The following SNED1 variants were observed in gnomAD, a reference collection of about 807,000 sequenced individuals.
SNED1 encodes the protein sushi, nidogen and EGF like domains 1, also known as sushi, nidogen and EGF-like domain-containing protein 1.
A neutral mutation model predicts 166.7 loss-of-function variants in SNED1; 81 were observed. The ratio of observed to expected loss-of-function variants is 0.49; its 90% CI spans 0.41 to 0.58. The LOEUF (loss-of-function observed/expected upper bound fraction) is 0.58, where lower values mean the gene tolerates loss of function less well. Among genes scored for constraint, SNED1 ranks in the 20% least tolerant of loss-of-function variants. SNED1 has a pLI of 0.00. For synonymous variants in SNED1, 762 were observed against 822.0 expected, an observed-to-expected ratio of 0.93 and a Z score of 1.25; for missense variants, 1,604 against 2,000.2, an observed-to-expected ratio of 0.80 and a Z score of 3.78.
In SNED1 at chr2:241,051,882, G is replaced by T; in HGVS notation, c.1852+22G>T. 1 of 1,520,880 alleles carries T rather than the reference G, an allele frequency of 6.6e-7. No individual in the cohort carries two copies. Among genetic ancestry groups the T allele is most frequent in the Admixed American group, 2.1e-5 (1 of 48,752 alleles). 94.2% of individuals were successfully genotyped at this position (1,520,880 alleles called of 1,614,324 possible). A position where few individuals can be genotyped will look rare whatever the true frequency, so the allele number is the denominator to read the frequency against. On this transcript the variant is annotated intron_variant, in intron 13 of 31. Coordinates refer to ENST00000310397, the MANE Select transcript of SNED1 (RefSeq NM_001080437.3). This position sits in a 1 kb window ranked among gnomAD's most constrained non-coding sequence, Gnocchi z 4.7. ...ATCGGTGCGGCCCCCAGGGGCAGGG[G>T]GGAGGGCAGGAACGACGGGCCAGCC...
At chr2:241,087,192 C>T (rs2063626212) in intron 29 of SNED1, 200 bp from the exon 30 acceptor site, 5 of 568,036 alleles carry the variant, frequency 8.8e-6, no homozygotes, top group Non-Finnish European at 1.3e-5. Context: ...ATTACTGTAC[C>T]ACAATAAATT....
chr2:241,029,129 C>G (rs929859775), intron 1 of SNED1, among the ~76,000 whole-genome samples: 2 of 152,222 alleles, frequency 1.3e-5, no homozygotes, highest in African/African-American at 4.8e-5. Flanking sequence ...TTCCCAGTAG[C>G]AAATAATGAC....
chr2:241,061,695 G>A (rs568379127), intron 16 of SNED1, among the ~76,000 whole-genome samples: 1 of 152,100 alleles, frequency 6.6e-6, no homozygotes, highest in Admixed American at 6.5e-5. Flanking sequence ...GACCAGCCTG[G>A]CCAACATAGT....
chr2:241,090,125 A>G (rs1398215103), intron 31 of SNED1: 6 of 1,485,408 alleles, frequency 4.0e-6, no homozygotes, highest in Admixed American at 2.4e-5. Context: ...ACTCTTTTTA[A>G]TAACAGCTTA....
chr2:241,034,595 CG>C lies in SNED1; in HGVS notation c.671del (p.Arg224LeufsTer89). ...QAGFNAGDGQ[R>X]YFSIPGSRTA... Reference sequence around the variant, plus strand: ...TGGCTTCAACGCAGGCGATGGGCAGCGTTACTTCAGTATCCCCGGCTCGCGC... The same window carrying C: ...TGGCTTCAACGCAGGCGATGGGCAGCTTACTTCAGTATCCCCGGCTCGCGC... On this transcript the variant is annotated frameshift_variant, in exon 4 of 32. Coordinates refer to ENST00000310397, the MANE Select transcript of SNED1 (RefSeq NM_001080437.3). LOFTEE classifies it high-confidence loss of function. The C allele has an allele frequency of 6.2e-7, 1 of 1,609,768 alleles. No homozygotes were observed. The highest frequency in any genetic ancestry group is 1.1e-5 in the South Asian group (1 of 90,774).
chr2:241,067,358 G>A (rs566538146), intron 21 of SNED1, among the ~76,000 whole-genome samples: 17 of 152,332 alleles, frequency 1.1e-4, no homozygotes, highest in African/African-American at 3.8e-4. Flanking sequence ...CTAAGACAGC[G>A]TTGCCCAGAC....
intron 29 of SNED1, among the ~76,000 whole-genome samples, chr2:241,085,293 T>C (rs2063522781): frequency 6.6e-6 from 1 of 152,232 alleles, no homozygotes. Context: ...TCTCAACTTT[T>C]TCAGTCTTTT....
At chr2:241,022,454 C>T (rs1266856723) in intron 1 of SNED1, among the ~76,000 whole-genome samples, 1 of 152,166 alleles carries the variant, frequency 6.6e-6, no homozygotes, top group Non-Finnish European at 1.5e-5. Flanking sequence ...TATATCCAGT[C>T]TTACCAGCAC....
chr2:241,063,343 T>G, intron 17 of SNED1: 3 of 544,434 alleles, frequency 5.5e-6, no homozygotes, highest in Non-Finnish European at 3.3e-6. Context: ...GAGCCTCCCA[T>G]TGCGGAGTGG....
chr2:241,016,055 CAAATT>C (rs1224938371), intron 1 of SNED1: 2 of 151,508 alleles, frequency 1.3e-5, no homozygotes, highest in Admixed American at 6.6e-5. Context: ...AAATTAATGG[CAAATT>C]AAATTAATAA....
Position 241,037,372 on chromosome 2 carries a change from GGC to G in SNED1, c.1045+20_1045+21del, listed in dbSNP as rs2061407935. The G allele has an allele frequency of 6.6e-7, 1 of 1,512,092 alleles. No homozygotes were observed. The highest frequency in any genetic ancestry group is 9.1e-7 in the Non-Finnish European group (1 of 1,100,562). The allele number at this position is 1,512,092 out of a possible 1,614,324, so 93.7% of individuals were successfully genotyped here. On this transcript the variant is annotated intron_variant, in intron 6 of 31. Coordinates refer to ENST00000310397, the MANE Select transcript of SNED1 (RefSeq NM_001080437.3). ...GAGACAGGTAAGAGGAACCCACCGGGGCCCACGGGGCCCTGCTGGGGGCAGGA... is the reference window on the plus strand; with the variant it reads ...GAGACAGGTAAGAGGAACCCACCGGGCCACGGGGCCCTGCTGGGGGCAGGA...
chr2:241,025,670 C>A (rs2060938271), intron 1 of SNED1, among the ~76,000 whole-genome samples: 2 of 152,192 alleles, frequency 1.3e-5, no homozygotes, highest in South Asian at 4.1e-4. Context: ...TGTGGGTCTG[C>A]TGTTTATTAT....
At chr2:241,022,461 G>C (rs2060802580) in intron 1 of SNED1, among the ~76,000 whole-genome samples, 2 of 152,162 alleles carry the variant, frequency 1.3e-5, no homozygotes, top group Non-Finnish European at 2.9e-5. Context: ...AGTCTTACCA[G>C]CACCATTTGT....
rs373989124 is a variant in SNED1 at position 241,045,798 on chromosome 2, G to T, written c.1274-2517G>T. Among the ~76,000 whole-genome samples, 35 of 151,252 alleles carry T rather than the reference G, an allele frequency of 2.3e-4. 1 individual carries two copies. The South Asian group carries it at 7.1e-3, about 31-fold the overall frequency. On this transcript the variant is annotated intron_variant, in intron 8 of 31. Coordinates refer to ENST00000310397, the MANE Select transcript of SNED1 (RefSeq NM_001080437.3). The stretch of plus-strand genomic sequence containing the variant: ...AAGCATGATTCATTAAAAAGAAAAA[G>T]ATAAATTAGACTTCATCAAAATTTA...
At chr2:241,088,895 CA>C (rs2063728916) in intron 31 of SNED1, 1 of 200,844 alleles carries the variant, frequency 5.0e-6, no homozygotes, top group African/African-American at 2.3e-5. Context: ...AAAAGTGGGG[CA>C]GGGGCCTTGA....
intron 24 of SNED1, chr2:241,071,322 C>T (rs2062702606): frequency 5.2e-6 from 3 of 577,046 alleles, no homozygotes; most frequent in Non-Finnish European, 9.3e-6. Context: ...TGCCTCATGA[C>T]TCCCAGGCCA....
chr2:241,011,858 T>C (rs951667062), intron 1 of SNED1, among the ~76,000 whole-genome samples: 1 of 152,208 alleles, frequency 6.6e-6, no homozygotes, highest in African/African-American at 2.4e-5. Flanking sequence ...TGCCCTGCAC[T>C]GCGGTGCTGG....
At chr2:241,066,452 A>G (rs1387225466) in intron 21 of SNED1, among the ~76,000 whole-genome samples, 2 of 152,164 alleles carry the variant, frequency 1.3e-5, no homozygotes, top group South Asian at 2.1e-4. Context: ...AGCACAGGGG[A>G]TCTCGGAACA....
chr2:241,081,361 G>C (rs2063319454), intron 27 of SNED1, among the ~76,000 whole-genome samples: 1 of 152,180 alleles, frequency 6.6e-6, no homozygotes, highest in Non-Finnish European at 1.5e-5. Flanking sequence ...TGGGGGCTCA[G>C]CACTGAAGGC....
Sources: gnomAD v4.1 joint callset for allele counts (sites outside exome capture counted in the v4.1 genomes callset) on GRCh38, gnomAD v4.1.1 for gene constraint, Gnocchi (gnomAD v3.1) non-coding constraint, MANE v1.5 for transcripts, NCBI Gene and HGNC (gene_info 2026-07-23, HGNC 2026-07-21) for gene names.